KCNK10: variants seen among roughly 807,000 people sequenced by gnomAD.
KCNK10 encodes the protein potassium two pore domain channel subfamily K member 10.
Under a neutral mutation model 47.7 loss-of-function variants are expected in KCNK10, and 25 were observed. The ratio of observed to expected loss-of-function variants is 0.52; its 90% confidence interval spans 0.38 to 0.73. The LOEUF (loss-of-function observed/expected upper bound fraction) is 0.73. Ranked by LOEUF, KCNK10 falls within the 30% of genes least tolerant of loss-of-function variation. The probability of loss-of-function intolerance (pLI) is 0.00; values close to 1 mark genes in which losing one functional copy is unlikely to be tolerated. For synonymous variants in KCNK10, 303 were observed against 285.6 expected, an observed-to-expected ratio of 1.06 and a Z score of -0.61; for missense variants, 563 against 714.5, an observed-to-expected ratio of 0.79 and a Z score of 2.42.
intron 1 of KCNK10, among the ~76,000 whole-genome samples, chr14:88,268,450 G>T (rs1397486642): frequency 6.6e-6 from 1 of 152,150 alleles, no homozygotes; most frequent in East Asian, 1.9e-4. Flanking sequence ...ACCCAGACAG[G>T]TTCAATGGCT....
intron 1 of KCNK10, among the ~76,000 whole-genome samples, chr14:88,313,402 A>G (rs1888366974): frequency 6.6e-6 from 1 of 152,234 alleles, no homozygotes; most frequent in South Asian, 2.1e-4. Flanking sequence ...TAATGAAAAG[A>G]ACGTGGTGGT....
At chr14:88,237,425 C>T (rs991207034) in intron 3 of KCNK10, among the ~76,000 whole-genome samples, 7 of 152,206 alleles carry the variant, frequency 4.6e-5, no homozygotes, top group African/African-American at 1.7e-4. Flanking sequence ...CACAAATGTT[C>T]TTAATGGCAT....
chr14:88,254,161 AC>A (rs1886880339), intron 2 of KCNK10, among the ~76,000 whole-genome samples: 1 of 151,988 alleles, frequency 6.6e-6, no homozygotes, highest in Non-Finnish European at 1.5e-5. Flanking sequence ...CATTGGAGAG[AC>A]CCCTCTTGCT....
Position 88,206,769 on chromosome 14 carries a change from T to C in KCNK10, c.682-14359A>G, listed in dbSNP as rs568775812. Among the ~76,000 whole-genome samples, 76 of 152,374 alleles carry C rather than the reference T, an allele frequency of 5.0e-4. 2 individuals are homozygous for C. In the South Asian group the frequency reaches 0.014, roughly 29 times the overall value. On this transcript the variant is annotated intron_variant, in intron 4 of 6. Coordinates refer to ENST00000319231, the MANE Select transcript of KCNK10 (RefSeq NM_138317.3). Reference sequence around the variant, plus strand: ...ACTTTCCATTTATTTCTCCTTTATATTATAGCTAGAAAATTTGCATTGAAT... The same window carrying C: ...ACTTTCCATTTATTTCTCCTTTATACTATAGCTAGAAAATTTGCATTGAAT...
chr14:88,217,362 A>G (rs1237678621), intron 4 of KCNK10, among the ~76,000 whole-genome samples: 9 of 152,118 alleles, frequency 5.9e-5, no homozygotes, highest in Non-Finnish European at 1.5e-5. Flanking sequence ...AACTAAAGCC[A>G]CAGCCTACCA....
chr14:88,273,581 C>T (rs1887458785), intron 1 of KCNK10, among the ~76,000 whole-genome samples: 1 of 152,150 alleles, frequency 6.6e-6, no homozygotes, highest in African/African-American at 2.4e-5. Context: ...CTTGTGTGTG[C>T]TGAGCTGGTC....
chr14:88,204,637 G>A (rs1188708594), intron 4 of KCNK10, among the ~76,000 whole-genome samples: 1 of 140,664 alleles, frequency 7.1e-6, no homozygotes, highest in Non-Finnish European at 1.5e-5. Flanking sequence ...CTCTCTTGCT[G>A]TAGTAGCAGT....
chr14:88,206,759 C>A (rs1595080507), intron 4 of KCNK10, among the ~76,000 whole-genome samples: 1 of 152,208 alleles, frequency 6.6e-6, no homozygotes, highest in East Asian at 1.9e-4. Flanking sequence ...CCATTTATTT[C>A]TCCTTTATAT....
rs533552003 is a variant in KCNK10 at position 88,202,131 on chromosome 14, C to T, written c.682-9721G>A. Among the ~76,000 whole-genome samples the T allele has an allele frequency of 3.3e-5, 5 of 152,286 alleles. No homozygotes were observed. The South Asian group carries it at 8.3e-4, about 25-fold the overall frequency. The stretch of plus-strand genomic sequence containing the variant: ...GCAACAAAAGAAGATCTCCAGGCCT[C>T]CTGATGTTCACCCCATGTTAGGAGA... On this transcript the variant is annotated intron_variant, in intron 4 of 6. Transcript: ENST00000319231.
At chr14:88,284,920 A>G (rs1195902668) in intron 1 of KCNK10, among the ~76,000 whole-genome samples, 1 of 152,220 alleles carries the variant, frequency 6.6e-6, no homozygotes, top group Admixed American at 6.5e-5. Flanking sequence ...GCTTCACTGT[A>G]TTGTGCAAAT....
At chr14:88,287,677 GT>G (rs1566715200) in intron 1 of KCNK10, among the ~76,000 whole-genome samples, 2,212 of 36,866 alleles carry the variant, frequency 0.06, 65 homozygotes, top group East Asian at 0.52. Flanking sequence ...ATTCCATGGT[GT>G]GTGTGTGTGT....
intron 4 of KCNK10, among the ~76,000 whole-genome samples, chr14:88,212,109 A>AATATATATATATATAGATATATAT (rs1885476898): frequency 7.5e-6 from 1 of 133,334 alleles, no homozygotes; most frequent in Non-Finnish European, 1.6e-5. Flanking sequence ...TGATAGTGAG[A>AATATATATATATATAGATATATAT]ATATATATAT....
chr14:88,298,528 A>G (rs1888032890), intron 1 of KCNK10, among the ~76,000 whole-genome samples: 1 of 152,142 alleles, frequency 6.6e-6, no homozygotes, highest in South Asian at 2.1e-4. Flanking sequence ...TTTCGGAGAA[A>G]TGATTGACTC....
intron 1 of KCNK10, among the ~76,000 whole-genome samples, chr14:88,296,061 T>C (rs1449480121): frequency 6.6e-6 from 1 of 152,218 alleles, no homozygotes; most frequent in Non-Finnish European, 1.5e-5. Flanking sequence ...GAGGAAGTTA[T>C]TCCAGGTATT....
intron 2 of KCNK10, among the ~76,000 whole-genome samples, chr14:88,243,342 A>T (rs139363984): frequency 0.019 from 2,945 of 152,318 alleles, 46 homozygotes; most frequent in Non-Finnish European, 0.03. Context: ...ATGGGGAAAC[A>T]GGCTCAGGAA....
At position 88,263,207 on chromosome 14, in the gene KCNK10, T is replaced by C; in HGVS notation, c.397A>G (p.Ile133Val). The change falls in exon 2 of 7, where the codon ATC becomes GTC. Residue 133 changes from isoleucine to valine, a missense_variant. Physicochemically the swap from Ile to Val is conservative, Grantham distance 29 (BLOSUM62 3). Coordinates refer to ENST00000319231, the MANE Select transcript of KCNK10 (RefSeq NM_138317.3). ...TGGACTCACTCCCTGCTCACCTGGA[T>C]CAACGTCTCCAGCTCCTGGGGGCTC... ...CVSPQELETL[I>V]QHALDADNAG... 6.2e-7 allele frequency: 1 copy of C among 1,612,266 alleles called. No individual in the cohort carries two copies. The highest frequency in any genetic ancestry group is 8.5e-7 in the Non-Finnish European group (1 of 1,178,732).
At chr14:88,205,512 G>A (rs1197034904) in intron 4 of KCNK10, among the ~76,000 whole-genome samples, 3 of 150,512 alleles carry the variant, frequency 2.0e-5, no homozygotes, top group African/African-American at 7.3e-5. Flanking sequence ...TAAGTGCCTG[G>A]CACAGTGCAT....
chr14:88,301,652 GA>G (rs36032285), intron 1 of KCNK10, among the ~76,000 whole-genome samples: 5 of 145,866 alleles, frequency 3.4e-5, no homozygotes, highest in African/African-American at 1.0e-4. Flanking sequence ...AATCCTAGGA[GA>G]AAAAAAAAAA....
At position 88,186,155 on chromosome 14, in the gene KCNK10, C is replaced by T. The variant is rs770335762; in HGVS notation, c.1012G>A (p.Val338Met). 1 of 1,576,896 alleles carries T rather than the reference C, an allele frequency of 6.3e-7. No individual in the cohort carries two copies. Among genetic ancestry groups the T allele is most frequent in the South Asian group, 1.2e-5 (1 of 85,264 alleles). Residue 338 changes from valine to methionine, a missense_variant and splice_region_variant, in exon 7 of 7, where the codon GTG becomes ATG. Val to Met is a conservative substitution (Grantham distance 21). Transcript: ENST00000319231. This position sits in a 1 kb window ranked among gnomAD's most constrained non-coding sequence, Gnocchi z 5.5. ...RVLSKKTKEE[V>M]GEIKAHAAEW... is the part of the protein sequence containing the mutation. ...GCCGCATGGGCCTTGATTTCACCCA[C>T]CTGGCCAAGAGACAGAAGAGCAACA...
Sources: allele counts gnomAD v4.1 joint callset (sites outside exome capture counted in the v4.1 genomes callset), GRCh38; gene constraint gnomAD v4.1.1; non-coding constraint Gnocchi (gnomAD v3.1); transcripts MANE v1.5; gene names NCBI Gene and HGNC (gene_info 2026-07-23, HGNC 2026-07-21).